THRB: variants seen among roughly 807,000 people sequenced by gnomAD.
The protein encoded by THRB is nuclear receptor subfamily 1 group A member 2.
A neutral mutation model predicts 47.8 loss-of-function variants in THRB; 12 were observed. The observed-to-expected ratio is 0.25, with a 90% CI of 0.16 to 0.41. The LOEUF (loss-of-function observed/expected upper bound fraction) is 0.41. Ranked by LOEUF, THRB falls within the 10% of genes least tolerant of loss-of-function variation. The pLI is 1.00. For synonymous variants in THRB, 218 were observed against 212.2 expected, an observed-to-expected ratio of 1.03 and a Z score of -0.24; for missense variants, 348 against 589.2, an observed-to-expected ratio of 0.59 and a Z score of 4.24.
At chr3:24,417,787 C>T (rs551333451) in intron 1 of THRB, among the ~76,000 whole-genome samples, 1 of 151,888 alleles carries the variant, frequency 6.6e-6, no homozygotes, top group Non-Finnish European at 1.5e-5. Context: ...ATTTGTTTTC[C>T]TTCTTAATTC....
chr3:24,301,245 A>C (rs1327466456), intron 2 of THRB, among the ~76,000 whole-genome samples: 3 of 152,184 alleles, frequency 2.0e-5, no homozygotes, highest in Non-Finnish European at 4.4e-5. Context: ...TGTTGTTTTA[A>C]ACCACCAAGC....
intron 1 of THRB, among the ~76,000 whole-genome samples, chr3:24,479,732 C>A (rs1408206169): frequency 2.0e-5 from 3 of 152,156 alleles, no homozygotes; most frequent in Non-Finnish European, 2.9e-5. Context: ...CAACAATCCT[C>A]AGGTGGAAGT....
intron 1 of THRB, among the ~76,000 whole-genome samples, chr3:24,382,632 G>A (rs2065801785): frequency 6.6e-6 from 1 of 152,082 alleles, no homozygotes; most frequent in African/African-American, 2.4e-5. Flanking sequence ...GTCAGAAAAA[G>A]TGTAGAAAAA....
intron 3 of THRB, among the ~76,000 whole-genome samples, chr3:24,264,315 G>A (rs1039311639): frequency 3.3e-5 from 5 of 151,958 alleles, no homozygotes; most frequent in African/African-American, 1.2e-4. Context: ...CAATAATTAG[G>A]GTCAGAGTTG....
Position 24,233,567 on chromosome 3 carries a change from GAAAGAAAGAAAGAAAGAAAGAAAGAAAGA to G in THRB, c.-42-4595_-42-4567del, listed in dbSNP as rs2048495337. Among the ~76,000 whole-genome samples the G allele has an allele frequency of 3.7e-5, 5 of 135,622 alleles. 1 individual carries two copies. The highest frequency in any genetic ancestry group is 1.4e-4 in the African/African-American group (5 of 35,536). 89.0% of individuals were successfully genotyped at this position (135,622 alleles called of 152,430 possible). A position where few individuals can be genotyped will look rare whatever the true frequency, so the allele number is the denominator to read the frequency against. The stretch of plus-strand genomic sequence containing the variant: ...AGAGAAAGAAAGAAAAAGGAAGAAA[GAAAGAAAGAAAGAAAGAAAGAAAGAAAGA>G]AAGAAAGAAAGAAAGAAAGAGAAAG... On this transcript the variant is annotated intron_variant, in intron 3 of 10. Coordinates refer to ENST00000646209, the MANE Select transcript of THRB (RefSeq NM_001354712.2).
intron 1 of THRB, among the ~76,000 whole-genome samples, chr3:24,406,766 TA>T (rs1175917153): frequency 6.6e-6 from 1 of 151,882 alleles, no homozygotes; most frequent in Non-Finnish European, 1.5e-5. Flanking sequence ...TGTACTCCAC[TA>T]AATAATAGAG....
At chr3:24,338,012 G>A (rs1415184750) in intron 1 of THRB, among the ~76,000 whole-genome samples, 1 of 152,198 alleles carries the variant, frequency 6.6e-6, no homozygotes, top group South Asian at 2.1e-4. Flanking sequence ...GGATGTCGCC[G>A]AGTGGCTGCC....
chr3:24,481,320 G>A (rs1284486284), intron 1 of THRB, among the ~76,000 whole-genome samples: 1 of 145,858 alleles, frequency 6.9e-6, no homozygotes, highest in Non-Finnish European at 1.5e-5. Flanking sequence ...TATAATGCAG[G>A]ACAGCAGGGC....
At chr3:24,170,432 C>T (rs2040278667) in intron 5 of THRB, among the ~76,000 whole-genome samples, 1 of 152,142 alleles carries the variant, frequency 6.6e-6, no homozygotes, top group African/African-American at 2.4e-5. Context: ...TGATGTTTTA[C>T]AGGCTGCAAA....
intron 2 of THRB, among the ~76,000 whole-genome samples, chr3:24,333,063 G>A (rs1045169186): frequency 3.3e-5 from 5 of 152,070 alleles, no homozygotes; most frequent in African/African-American, 1.2e-4. Context: ...CAGCCTGGGT[G>A]ACAGAGCGAG....
At chr3:24,425,264 G>A (rs965041546) in intron 1 of THRB, among the ~76,000 whole-genome samples, 8 of 151,788 alleles carry the variant, frequency 5.3e-5, no homozygotes, top group African/African-American at 1.9e-4. Flanking sequence ...TTGTACCACA[G>A]TTCTTGCTAT....
At chr3:24,393,174 T>C (rs2066705980) in intron 1 of THRB, among the ~76,000 whole-genome samples, 2 of 152,122 alleles carry the variant, frequency 1.3e-5, no homozygotes, top group South Asian at 2.1e-4. Flanking sequence ...TTCCCTGCCT[T>C]GCTTGTTATT....
chr3:24,409,808 C>T (rs529292318), intron 1 of THRB, among the ~76,000 whole-genome samples: 3 of 151,778 alleles, frequency 2.0e-5, no homozygotes, highest in African/African-American at 7.2e-5. Flanking sequence ...AAAAAATACC[C>T]CTGAAAGCCA....
chr3:24,291,592 G>C (rs956538371), intron 3 of THRB, among the ~76,000 whole-genome samples: 2 of 152,126 alleles, frequency 1.3e-5, no homozygotes, highest in African/African-American at 4.8e-5. Flanking sequence ...TATGTAAAGA[G>C]TTGTTATACT....
chr3:24,138,016 G>A (rs1368429448), intron 8 of THRB, among the ~76,000 whole-genome samples: 2 of 151,906 alleles, frequency 1.3e-5, no homozygotes, highest in Non-Finnish European at 2.9e-5. Flanking sequence ...ATTCAGGTGT[G>A]TGTTCAGGGG....
chr3:24,170,211 G>C (rs906675796), intron 5 of THRB, among the ~76,000 whole-genome samples: 1 of 152,118 alleles, frequency 6.6e-6, no homozygotes, highest in Non-Finnish European at 1.5e-5. Context: ...TAACCTTCAA[G>C]ACAACTCTTT....
At chr3:24,449,749 G>A (rs776773277) in intron 1 of THRB, among the ~76,000 whole-genome samples, 3 of 152,074 alleles carry the variant, frequency 2.0e-5, no homozygotes, top group Non-Finnish European at 4.4e-5. Context: ...CAAAGGAGGC[G>A]ATATAGTGAA....
At chr3:24,422,971 C>T (rs1194895481) in intron 1 of THRB, among the ~76,000 whole-genome samples, 1 of 151,878 alleles carries the variant, frequency 6.6e-6, no homozygotes, top group Non-Finnish European at 1.5e-5. Context: ...TGAGAGAGGA[C>T]TGGAAGTTTC....
At chr3:24,200,977 G>T (rs1294233102) in intron 4 of THRB, among the ~76,000 whole-genome samples, 1 of 152,088 alleles carries the variant, frequency 6.6e-6, no homozygotes, top group African/African-American at 2.4e-5. Flanking sequence ...TGCTCCCCTA[G>T]GAGGGTCTAT....
Sources: gnomAD v4.1 joint callset for allele counts (sites outside exome capture counted in the v4.1 genomes callset) on GRCh38, gnomAD v4.1.1 for gene constraint, MANE v1.5 for transcripts, NCBI Gene and HGNC (gene_info 2026-07-23, HGNC 2026-07-21) for gene names.